The following FRY variants were observed in gnomAD, a reference collection of about 807,000 sequenced individuals.
The protein encoded by FRY is protein furry homolog.
In FRY, 128 loss-of-function variants were observed where a neutral mutation model predicts 348.4. That is an observed-to-expected ratio of 0.37 (90% CI 0.32 to 0.43). The LOEUF (loss-of-function observed/expected upper bound fraction) is 0.43, where lower values mean the gene tolerates loss of function less well. Ranked by LOEUF, FRY falls within the 20% of genes least tolerant of loss-of-function variation. FRY has a pLI of 1.00. For synonymous variants in FRY, 1,370 were observed against 1,374.7 expected (o/e 1.00, Z 0.08); for missense variants, 2,736 against 3,695.2 (o/e 0.74, Z 6.73).
chr13:32,177,088 C>T (rs900323225), intron 20 of FRY, among the ~76,000 whole-genome samples: 1 of 152,140 alleles, frequency 6.6e-6, no homozygotes, highest in African/African-American at 2.4e-5. Flanking sequence ...ACAGTTAATT[C>T]ATCATTTTAC....
At chr13:32,288,753 G>A (rs1267685471) in intron 58 of FRY, among the ~76,000 whole-genome samples, 2 of 152,156 alleles carry the variant, frequency 1.3e-5, no homozygotes, top group African/African-American at 4.8e-5. Flanking sequence ...GGTGACTGCT[G>A]GCCATGAAAT....
At chr13:32,135,873 AGGTACTTAG>A (rs1215756184) in intron 10 of FRY, among the ~76,000 whole-genome samples, 2 of 152,196 alleles carry the variant, frequency 1.3e-5, no homozygotes, top group African/African-American at 4.8e-5. Flanking sequence ...TGATTTGAGC[AGGTACTTAG>A]GGTTGCTTTG....
intron 11 of FRY, among the ~76,000 whole-genome samples, chr13:32,146,062 A>C (rs866389201): frequency 4.6e-5 from 7 of 152,004 alleles, no homozygotes; most frequent in African/African-American, 1.5e-4. Context: ...CTGGCCTTGC[A>C]CTGGCCCTTC....
intron 1 of FRY, among the ~76,000 whole-genome samples, chr13:32,067,524 G>A (rs867451386): frequency 1.3e-5 from 2 of 152,216 alleles, no homozygotes; most frequent in South Asian, 4.1e-4. Flanking sequence ...TTACTCTGTA[G>A]AGAGGATAGA....
intron 56 of FRY, among the ~76,000 whole-genome samples, 158 bp from the exon 57 acceptor site, chr13:32,276,306 C>CTGAT (rs1206101629): frequency 1.3e-5 from 2 of 152,182 alleles, no homozygotes; most frequent in Non-Finnish European, 2.9e-5. Context: ...GTAATTGCAG[C>CTGAT]TGATAGTTGA....
At chr13:32,087,136 T>C (rs1171755457) in intron 2 of FRY, among the ~76,000 whole-genome samples, 1 of 152,222 alleles carries the variant, frequency 6.6e-6, no homozygotes, top group East Asian at 1.9e-4. Flanking sequence ...GGGTACACAG[T>C]CTGAAGAATC....
At chr13:32,186,546 A>G (rs1883039922) in intron 27 of FRY, 126 bp downstream of exon 27, 1 of 718,564 alleles carries the variant, frequency 1.4e-6, no homozygotes, top group East Asian at 2.7e-5. Context: ...ATCTAAGCGC[A>G]CATACAAAAA....
intron 4 of FRY, among the ~76,000 whole-genome samples, chr13:32,121,292 T>A (rs142183726): frequency 1.3e-5 from 2 of 152,366 alleles, no homozygotes; most frequent in East Asian, 1.9e-4. Context: ...TACCCAGTAG[T>A]GGGATTGCTG....
chr13:32,207,989 G>T (rs1884452967), intron 31 of FRY, among the ~76,000 whole-genome samples: 1 of 152,344 alleles, frequency 6.6e-6, no homozygotes, highest in East Asian at 1.9e-4. Flanking sequence ...ACATAATGCT[G>T]TGCTTCTCTA....
intron 10 of FRY, 21 bp from the exon 11 acceptor site, chr13:32,136,848 GAC>G: frequency 1.7e-6 from 2 of 1,208,114 alleles, no homozygotes; most frequent in Non-Finnish European, 2.5e-6. Flanking sequence ...ATGATCCTGT[GAC>G]CTCCTCTCCT....
intron 48 of FRY, among the ~76,000 whole-genome samples, chr13:32,248,428 T>C (rs1048870123): frequency 6.6e-6 from 1 of 152,088 alleles, no homozygotes; most frequent in Non-Finnish European, 1.5e-5. Flanking sequence ...AAATACCTAA[T>C]GTAGATGACA....
chr13:32,194,240 G>C lies in FRY; in HGVS notation c.3689G>C (p.Gly1230Ala). 6.2e-7 allele frequency: 1 copy of C among 1,614,136 alleles called. No individual in the cohort carries two copies. Among genetic ancestry groups the C allele is most frequent in the Non-Finnish European group, 8.5e-7 (1 of 1,179,968 alleles). Residue 1230 changes from glycine to alanine, a missense_variant, in exon 29 of 61, where the codon GGT becomes GCT. Gly to Ala is a moderately conservative substitution (Grantham distance 60). Coordinates refer to ENST00000542859, the MANE Select transcript of FRY (RefSeq NM_023037.3). ...TGGGCAATTGACCGATGCTACACAG[G>C]TTCCTACCAACTTGCATCTGGCTGC... ...FNWAIDRCYT[G>A]SYQLASGCFK...
At chr13:32,195,915 G>GCCATTTCTT (rs1270371762) in intron 29 of FRY, among the ~76,000 whole-genome samples, 1 of 152,150 alleles carries the variant, frequency 6.6e-6, no homozygotes, top group Non-Finnish European at 1.5e-5. Context: ...CAGCATTTCT[G>GCCATTTCTT]CCATTTCTCA....
At chr13:32,091,994 TTAAC>T (rs1391103594) in intron 2 of FRY, among the ~76,000 whole-genome samples, 2 of 152,192 alleles carry the variant, frequency 1.3e-5, no homozygotes, top group African/African-American at 2.4e-5. Flanking sequence ...AGTGATATAT[TTAAC>T]TAATTGAATA....
Position 32,194,151 on chromosome 13 carries a change from A to G in FRY, c.3600A>G (p.Gln1200=), listed in dbSNP as rs754332808. The G allele has an allele frequency of 2.1e-5, 34 of 1,613,764 alleles. No homozygotes were observed. The highest frequency in any genetic ancestry group is 5.0e-5 in the Admixed American group (3 of 60,010). The change falls in exon 29 of 61, where the codon CAA becomes CAG. Residue 1200 remains glutamine, a synonymous_variant. Transcript: ENST00000542859. ...ILACQDLRVH[Q]LGCEVVVLLL... ...TTGCTCCATGTATTCAGGTTCATCA[A>G]CTTGGCTGCGAAGTTGTTGTCTTGC...
chr13:32,252,857 T>C (rs1018403050), intron 50 of FRY, among the ~76,000 whole-genome samples: 2 of 152,144 alleles, frequency 1.3e-5, no homozygotes, highest in African/African-American at 4.8e-5. Flanking sequence ...TAAGTCACTT[T>C]TTTGGTGTTA....
intron 58 of FRY, among the ~76,000 whole-genome samples, chr13:32,287,624 C>T (rs1012516206): frequency 1.4e-5 from 2 of 148,032 alleles, no homozygotes; most frequent in Non-Finnish European, 3.0e-5. Flanking sequence ...AATCAGAGAA[C>T]CTAAAAACGT....
chr13:32,084,383 A>G (rs149477952), intron 2 of FRY, among the ~76,000 whole-genome samples: 10 of 152,242 alleles, frequency 6.6e-5, no homozygotes, highest in African/African-American at 2.4e-4. Flanking sequence ...TACTCCCACC[A>G]CATACCTTTA....
At chr13:32,037,123 T>C (rs1872554929) in intron 1 of FRY, among the ~76,000 whole-genome samples, 1 of 151,912 alleles carries the variant, frequency 6.6e-6, no homozygotes, top group Non-Finnish European at 1.5e-5. Context: ...AGACCTTAAG[T>C]GTTCACAAGT....
Sources: allele counts gnomAD v4.1 joint callset (sites outside exome capture counted in the v4.1 genomes callset), GRCh38; gene constraint gnomAD v4.1.1; transcripts MANE v1.5; gene names NCBI Gene and HGNC (gene_info 2026-07-23, HGNC 2026-07-21).